CADM2: variants seen among roughly 807,000 people sequenced by gnomAD.
CADM2 encodes the protein cell adhesion molecule 2, also known as immunoglobulin superfamily member 4D.
CADM2 carries 12 observed loss-of-function variants against 49.8 expected under a neutral mutation model. The observed-to-expected ratio is 0.24, with a 90% CI of 0.15 to 0.39. The LOEUF (loss-of-function observed/expected upper bound fraction) is 0.39. Among genes scored for constraint, CADM2 ranks in the 10% least tolerant of loss-of-function variants. The pLI, the probability that CADM2 is intolerant of heterozygous loss-of-function variation, is 1.00. For synonymous variants in CADM2, 214 were observed against 175.4 expected (o/e 1.22, Z -1.74); for missense variants, 378 against 492.3 (o/e 0.77, Z 2.20).
intron 1 of CADM2, among the ~76,000 whole-genome samples, chr3:85,342,126 T>A (rs1393944471): frequency 6.6e-6 from 1 of 152,120 alleles, no homozygotes; most frequent in Admixed American, 6.5e-5. Context: ...GACAAAGGGC[T>A]AATATCTGGA....
At chr3:85,388,587 A>T (rs2034363123) in intron 1 of CADM2, among the ~76,000 whole-genome samples, 1 of 152,006 alleles carries the variant, frequency 6.6e-6, no homozygotes, top group Admixed American at 6.6e-5. Flanking sequence ...CCTCATTTTA[A>T]TTTTTTTCAC....
At chr3:85,672,453 G>C (rs1285131800) in intron 1 of CADM2, among the ~76,000 whole-genome samples, 2 of 151,740 alleles carry the variant, frequency 1.3e-5, no homozygotes, top group Non-Finnish European at 2.9e-5. Context: ...TGGCTTTCTA[G>C]GATTTCTTAA....
intron 1 of CADM2, among the ~76,000 whole-genome samples, chr3:85,002,512 T>C (rs1001329936): frequency 6.6e-6 from 1 of 152,174 alleles, no homozygotes; most frequent in Admixed American, 6.6e-5. Flanking sequence ...AAAGGAAGCA[T>C]TGACTGACAA....
intron 1 of CADM2, among the ~76,000 whole-genome samples, chr3:85,216,617 T>A (rs1305414061): frequency 2.6e-5 from 4 of 152,012 alleles, no homozygotes; most frequent in Non-Finnish European, 5.9e-5. Flanking sequence ...TTGTCACCAT[T>A]GTTTGGTAAA....
At chr3:85,008,721 A>G (rs987573580) in intron 1 of CADM2, among the ~76,000 whole-genome samples, 3 of 152,220 alleles carry the variant, frequency 2.0e-5, no homozygotes, top group Non-Finnish European at 4.4e-5. Context: ...GTGATGATAT[A>G]AGAAACATAT....
At chr3:85,580,292 C>T (rs937374361) in intron 1 of CADM2, among the ~76,000 whole-genome samples, 1 of 151,920 alleles carries the variant, frequency 6.6e-6, no homozygotes, top group Non-Finnish European at 1.5e-5. Context: ...AATTGTCTAA[C>T]ATCATTCATG....
At chr3:85,865,809 T>A (rs2075701935) in intron 3 of CADM2, among the ~76,000 whole-genome samples, 1 of 152,108 alleles carries the variant, frequency 6.6e-6, no homozygotes, top group Non-Finnish European at 1.5e-5. Flanking sequence ...TACAATATTA[T>A]CACAGAAAAC....
At chr3:85,833,540 T>G (rs1340794210) in intron 3 of CADM2, among the ~76,000 whole-genome samples, 1 of 151,696 alleles carries the variant, frequency 6.6e-6, no homozygotes, top group Non-Finnish European at 1.5e-5. Context: ...ATTTTTTTAT[T>G]TCTTCCTGAC....
At chr3:85,049,798 T>C (rs2035813008) in intron 1 of CADM2, among the ~76,000 whole-genome samples, 1 of 152,204 alleles carries the variant, frequency 6.6e-6, no homozygotes, top group South Asian at 2.1e-4. Context: ...TCCTGAAAAC[T>C]AATAATATGA....
At chr3:85,603,532 C>T (rs746986244) in intron 1 of CADM2, among the ~76,000 whole-genome samples, 10 of 151,884 alleles carry the variant, frequency 6.6e-5, no homozygotes, top group Non-Finnish European at 1.3e-4. Flanking sequence ...CTTGCTGTTA[C>T]TGAACTAAAC....
intron 1 of CADM2, among the ~76,000 whole-genome samples, chr3:85,546,226 C>G (rs2061667958): frequency 2.0e-5 from 3 of 152,136 alleles, no homozygotes; most frequent in Admixed American, 6.5e-5. Flanking sequence ...CTTGGATAGT[C>G]CTGTTGTTTG....
intron 7 of CADM2, among the ~76,000 whole-genome samples, chr3:85,954,721 A>G (rs2108596139): frequency 6.6e-6 from 1 of 151,264 alleles, no homozygotes; most frequent in Admixed American, 6.6e-5. Flanking sequence ...TTTTACTTGA[A>G]CAATTTTCAA....
intron 1 of CADM2, among the ~76,000 whole-genome samples, chr3:85,174,883 C>T (rs2040734860): frequency 6.6e-6 from 1 of 152,086 alleles, no homozygotes; most frequent in Non-Finnish European, 1.5e-5. Context: ...TGATTCTAGA[C>T]ACAAGAGATT....
At chr3:85,760,861 A>C (rs1287160256) in intron 2 of CADM2, among the ~76,000 whole-genome samples, 1 of 152,226 alleles carries the variant, frequency 6.6e-6, no homozygotes, top group Non-Finnish European at 1.5e-5. Context: ...TTGTTTGAAA[A>C]ATAGGTAATA....
intron 1 of CADM2, among the ~76,000 whole-genome samples, chr3:85,417,900 A>G (rs2107488818): frequency 6.6e-6 from 1 of 152,206 alleles, no homozygotes; most frequent in African/African-American, 2.4e-5. Context: ...TCTATGATGG[A>G]TCTGAGATGC....
At chr3:85,216,954 C>G (rs536874143) in intron 1 of CADM2, among the ~76,000 whole-genome samples, 1 of 151,854 alleles carries the variant, frequency 6.6e-6, no homozygotes, top group East Asian at 1.9e-4. Flanking sequence ...TTATATTATT[C>G]CATTGCTCTC....
chr3:85,915,548 T>A (rs2108489204), intron 6 of CADM2, among the ~76,000 whole-genome samples: 1 of 152,226 alleles, frequency 6.6e-6, no homozygotes, highest in South Asian at 2.1e-4. Context: ...GGTGTGATTT[T>A]CATAAACATC....
At chr3:85,702,860 C>T (rs183346105) in intron 1 of CADM2, among the ~76,000 whole-genome samples, 1 of 152,238 alleles carries the variant, frequency 6.6e-6, no homozygotes, top group African/African-American at 2.4e-5. Context: ...CATATTTAAT[C>T]AGTGAACCTC....
intron 1 of CADM2, among the ~76,000 whole-genome samples, chr3:85,381,271 T>A (rs1213317430): frequency 6.7e-6 from 1 of 149,774 alleles, no homozygotes; most frequent in African/African-American, 2.5e-5. Flanking sequence ...ACTTTATTCT[T>A]ATGTTTTCTG....
Sources: allele counts gnomAD v4.1 joint callset (sites outside exome capture counted in the v4.1 genomes callset), GRCh38; gene constraint gnomAD v4.1.1; transcripts MANE v1.5; gene names NCBI Gene and HGNC (gene_info 2026-07-23, HGNC 2026-07-21).